Variants in RNF34 observed in about 807,000 individuals in gnomAD.
The protein encoded by RNF34 is E3 ubiquitin-protein ligase RNF34.
Under a neutral mutation model 37.9 loss-of-function variants are expected in RNF34, and 12 were observed. The observed-to-expected ratio is 0.32, with a 90% CI of 0.20 to 0.51. The LOEUF is 0.51. Among genes scored for constraint, RNF34 ranks in the 20% least tolerant of loss-of-function variants. The pLI is 0.97. For synonymous variants in RNF34, 155 were observed against 177.2 expected, an observed-to-expected ratio of 0.87 and a Z score of 1.00; for missense variants, 362 against 472.7, an observed-to-expected ratio of 0.77 and a Z score of 2.17.
Position 121,418,000 on chromosome 12 carries a change from A to T in RNF34, c.633+89A>T. 1 of 1,345,120 alleles carries T rather than the reference A, an allele frequency of 7.4e-7. No homozygotes were observed. Among genetic ancestry groups the T allele is most frequent in the South Asian group, 1.4e-5 (1 of 72,142 alleles). The allele number at this position is 1,345,120 out of a possible 1,614,324, so 83.3% of individuals were successfully genotyped here. On this transcript the variant is annotated intron_variant, in intron 3 of 5. Transcript: ENST00000361234. The surrounding 1 kb of genome is among the most constrained non-coding windows in gnomAD (Gnocchi z 5.0). ...GGCCTTTAGTGCTTGATGACTTCTG[A>T]TAAACTTCAAGTCATGTGCTGGAGT...
chr12:121,423,352 G>C lies in RNF34; in HGVS notation c.929-34G>C. On this transcript the variant is annotated intron_variant, in intron 5 of 5. Transcript: ENST00000361234. The surrounding 1 kb of genome is among the most constrained non-coding windows in gnomAD (Gnocchi z 4.3). ...GGTGGCTGGCTGACTGGCCATGCCT[G>C]AAGCCGAGGCCTTAGCTCTCTGTTG... 6.5e-7 allele frequency: 1 copy of C among 1,539,152 alleles called. No individual in the cohort carries two copies. Among genetic ancestry groups the C allele is most frequent in the Non-Finnish European group, 8.8e-7 (1 of 1,136,350 alleles).
chr12:121,402,659 G>T, intron 1 of RNF34: 2 of 783,464 alleles, frequency 2.6e-6, no homozygotes, highest in East Asian at 2.5e-5. Context: ...TGCTAATCTG[G>T]GTTCTTCCAA....
intron 1 of RNF34, among the ~76,000 whole-genome samples, chr12:121,401,981 TTTAAC>T (rs1473803047): frequency 6.6e-6 from 1 of 152,252 alleles, no homozygotes; most frequent in Non-Finnish European, 1.5e-5. Context: ...ATGTTTATTA[TTTAAC>T]TTAATGTTGA....
intron 3 of RNF34, chr12:121,418,756 T>C (rs1233205097): frequency 6.6e-6 from 1 of 152,200 alleles, no homozygotes; most frequent in African/African-American, 2.4e-5. Context: ...AGTCTCACTC[T>C]GTTGCCCAGG....
In RNF34 at chr12:121,400,149, T is replaced by C; in HGVS notation, c.-64T>C. ...CGCCCAGAGGGAAGGAGGTCGGCAG[T>C]GTGAGGAGCTGCTATGGTGCTGAGT... is the stretch of plus-strand genomic sequence containing the variant. On this transcript the variant is annotated 5_prime_UTR_variant, in exon 1 of 6. Coordinates refer to ENST00000361234, the MANE Select transcript of RNF34 (RefSeq NM_025126.4). The C allele has an allele frequency of 6.3e-7, 1 of 1,581,654 alleles. No individual in the cohort carries two copies. Among genetic ancestry groups the C allele is most frequent in the East Asian group, 2.3e-5 (1 of 43,190 alleles).
chr12:121,409,216 G>T (rs1433150186), intron 1 of RNF34, among the ~76,000 whole-genome samples: 1 of 152,168 alleles, frequency 6.6e-6, no homozygotes, highest in Non-Finnish European at 1.5e-5. Context: ...CTGTCCTCAG[G>T]TGACCTGCTG....
At chr12:121,403,408 CCAAAA>C (rs1293520328) in intron 1 of RNF34, among the ~76,000 whole-genome samples, 2 of 139,778 alleles carry the variant, frequency 1.4e-5, no homozygotes, top group Middle Eastern at 3.2e-3. Flanking sequence ...AAAAAAAAAA[CCAAAA>C]CAAAAAAAAA....
intron 1 of RNF34, among the ~76,000 whole-genome samples, chr12:121,400,704 G>A (rs1261793017): frequency 6.6e-6 from 1 of 152,228 alleles, no homozygotes; most frequent in Non-Finnish European, 1.5e-5. Context: ...AACTCTCAGG[G>A]TGGGGATGCC....
intron 1 of RNF34, among the ~76,000 whole-genome samples, chr12:121,404,467 T>A (rs1216694212): frequency 7.6e-6 from 1 of 132,388 alleles, no homozygotes; most frequent in African/African-American, 2.7e-5. Context: ...CCATCTCAGC[T>A]TACTGCAGTC....
intron 5 of RNF34, among the ~76,000 whole-genome samples, 178 bp downstream of exon 5, chr12:121,420,956 T>C (rs1164517314): frequency 6.6e-6 from 1 of 152,164 alleles, no homozygotes; most frequent in Non-Finnish European, 1.5e-5. Flanking sequence ...CTTCATTATG[T>C]GATGTTCATT....
Position 121,416,397 on chromosome 12 carries a change from A to C in RNF34, c.225+20A>C. ...AAGAAGGTGAGTTGGATGAAATGTTACATAACAACACACATGGGTCAGCAT... is the reference window on the plus strand; with the variant it reads ...AAGAAGGTGAGTTGGATGAAATGTTCCATAACAACACACATGGGTCAGCAT... On this transcript the variant is annotated intron_variant, in intron 2 of 5. Transcript: ENST00000361234. The C allele has an allele frequency of 6.9e-7, 1 of 1,456,936 alleles. No individual in the cohort carries two copies. The highest frequency in any genetic ancestry group is 2.3e-5 in the East Asian group (1 of 44,118). 90.3% of individuals were successfully genotyped at this position (1,456,936 alleles called of 1,614,324 possible). A position where few individuals can be genotyped will look rare whatever the true frequency, so the allele number is the denominator to read the frequency against.
chr12:121,412,228 ATCTT>A lies in RNF34; in HGVS notation c.7-3929_7-3926del, dbSNP rs1392149722. On this transcript the variant is annotated intron_variant, in intron 1 of 5. Transcript: ENST00000361234. The stretch of plus-strand genomic sequence containing the variant: ...AGGCACGTGCCACCATGCCCAACTA[ATCTT>A]TTTTTTTTTTTTTTTTTTTTTTTTT... 2.4e-4 allele frequency among the ~76,000 whole-genome samples: 30 copies of A among 124,974 alleles called. 1 individual carries two copies. The highest frequency in any genetic ancestry group is 9.4e-4 in the African/African-American group (28 of 29,774). The allele number at this position is 124,974 out of a possible 152,430, so 82.0% of individuals were successfully genotyped here. A position where few individuals can be genotyped will look rare whatever the true frequency, so the allele number is the denominator to read the frequency against.
chr12:121,407,731 G>A (rs1253548677), intron 1 of RNF34, among the ~76,000 whole-genome samples: 1 of 152,186 alleles, frequency 6.6e-6, no homozygotes, highest in East Asian at 1.9e-4. Context: ...AGGGAAGACA[G>A]AAATGGAACA....
Position 121,423,521 on chromosome 12 carries a change from A to T in RNF34, c.1064A>T (p.Glu355Val), listed in dbSNP as rs1555283810. ...ACCAAGTGCGGCAAGCGCATGAGTGAGTGTCCCATCTGCCGGCAGTATGTG... is the reference window on the plus strand; with the variant it reads ...ACCAAGTGCGGCAAGCGCATGAGTGTGTGTCCCATCTGCCGGCAGTATGTG... Reference protein sequence around the residue: ...TCTKCGKRMSECPICRQYVVR... With the variant: ...TCTKCGKRMSVCPICRQYVVR... The change falls in exon 6 of 6, where the codon GAG becomes GTG. Residue 355 changes from glutamate to valine, a missense_variant. Transcript: ENST00000361234. This position sits in a 1 kb window ranked among gnomAD's most constrained non-coding sequence, Gnocchi z 4.3. 4 of 1,614,036 alleles carry T rather than the reference A, an allele frequency of 2.5e-6. No homozygotes were observed.
chr12:121,415,034 T>A (rs1461994083), intron 1 of RNF34, among the ~76,000 whole-genome samples: 1 of 152,010 alleles, frequency 6.6e-6, no homozygotes, highest in African/African-American at 2.4e-5. Context: ...AGGCGGACGT[T>A]GCAGTGAGCC....
rs1566237351 is a variant in RNF34 at position 121,423,417 on chromosome 12, A to G, written c.960A>G (p.Glu320=). 5 of 1,611,334 alleles carry G rather than the reference A, an allele frequency of 3.1e-6. No individual in the cohort carries two copies. In the East Asian group the frequency reaches 6.7e-5, roughly 22 times the overall value. Residue 320 remains glutamate, a synonymous_variant, in exon 6 of 6, where the codon GAA becomes GAG. Coordinates refer to ENST00000361234, the MANE Select transcript of RNF34 (RefSeq NM_025126.4). The surrounding 1 kb of genome is among the most constrained non-coding windows in gnomAD (Gnocchi z 4.3). ...YGERLQLQDE[E]DDSLCRICMD... Reference sequence around the variant, plus strand: ...AGCGGCTGCAGCTGCAGGATGAGGAAGACGACAGCCTGTGTCGCATCTGCA... The same window carrying G: ...AGCGGCTGCAGCTGCAGGATGAGGAGGACGACAGCCTGTGTCGCATCTGCA...
chr12:121,413,037 T>A (rs1417464626), intron 1 of RNF34, among the ~76,000 whole-genome samples: 2 of 146,566 alleles, frequency 1.4e-5, no homozygotes, highest in East Asian at 4.1e-4. Flanking sequence ...TTTTCCTTCC[T>A]CTTTTCGAGG....
chr12:121,421,331 GT>G (rs1210597959), intron 5 of RNF34, among the ~76,000 whole-genome samples: 1 of 125,904 alleles, frequency 7.9e-6, no homozygotes, highest in Non-Finnish European at 1.6e-5. Context: ...GAGCCCAGGA[GT>G]TTGAGACCAG....
intron 1 of RNF34, among the ~76,000 whole-genome samples, chr12:121,411,088 C>A (rs782145626): frequency 2.6e-5 from 4 of 152,106 alleles, no homozygotes; most frequent in Non-Finnish European, 5.9e-5. Context: ...CACATGCCAC[C>A]ACACCTGGCT....
Sources: gnomAD v4.1 joint callset for allele counts (sites outside exome capture counted in the v4.1 genomes callset) on GRCh38, gnomAD v4.1.1 for gene constraint, Gnocchi (gnomAD v3.1) non-coding constraint, MANE v1.5 for transcripts, NCBI Gene and HGNC (gene_info 2026-07-23, HGNC 2026-07-21) for gene names.